Variants in GRB2 observed in about 807,000 individuals in gnomAD.
The protein encoded by GRB2 is growth factor receptor bound protein 2.
GRB2 carries 2 observed loss-of-function variants against 27.4 expected under a neutral mutation model. The observed-to-expected ratio is 0.07, with a 90% CI of 0.03 to 0.23. The LOEUF (loss-of-function observed/expected upper bound fraction) is 0.23. Among genes scored for constraint, GRB2 ranks in the 10% least tolerant of loss-of-function variants. The pLI is 1.00. For missense variants in GRB2, 102 were observed against 282.4 expected (o/e 0.36, Z 4.58); for synonymous variants, 94 against 99.6 (o/e 0.94, Z 0.33).
chr17:75,389,832 G>A (rs574078947), intron 2 of GRB2, among the ~76,000 whole-genome samples: 5 of 152,122 alleles, frequency 3.3e-5, no homozygotes, highest in East Asian at 1.9e-4. Flanking sequence ...GTGACAGAGC[G>A]AGACTCCATC....
chr17:75,337,477 G>GATGAGGCGC lies in GRB2; in HGVS notation c.79-4681_79-4680insGCGCCTCAT, dbSNP rs1397571414. Among the ~76,000 whole-genome samples the GATGAGGCGC allele has an allele frequency of 5.5e-4, 83 of 152,114 alleles. 1 individual carries two copies. The highest frequency in any genetic ancestry group is 1.9e-3 in the African/African-American group (80 of 41,524). ...GTGGCAGAGACCAGAAGCATCTGAG[G>GATGAGGCGC]ATGAGGCTGCACCTACAAAGATTGT... On this transcript the variant is annotated intron_variant, in intron 2 of 5. Coordinates refer to ENST00000316804, the MANE Select transcript of GRB2 (RefSeq NM_002086.5).
At chr17:75,363,316 C>G (rs1174505182) in intron 2 of GRB2, among the ~76,000 whole-genome samples, 1 of 152,120 alleles carries the variant, frequency 6.6e-6, no homozygotes, top group Non-Finnish European at 1.5e-5. Context: ...AAATCAGTTA[C>G]AGAGGATAGG....
At position 75,350,616 on chromosome 17, in the gene GRB2, C is replaced by T. The variant is rs569538362; in HGVS notation, c.79-17819G>A. 5.9e-5 allele frequency among the ~76,000 whole-genome samples: 9 copies of T among 152,304 alleles called. No homozygotes were observed. In the East Asian group the frequency reaches 1.5e-3, roughly 26 times the overall value. On this transcript the variant is annotated intron_variant, in intron 2 of 5. Transcript: ENST00000316804. The stretch of plus-strand genomic sequence containing the variant: ...ACACCATTCTCCTGCCTCAACCTCC[C>T]AAATAGCTGGAACTACAGGCACCCG...
At chr17:75,324,589 C>T (rs2145819920) in intron 4 of GRB2, among the ~76,000 whole-genome samples, 1 of 145,826 alleles carries the variant, frequency 6.9e-6, no homozygotes, top group African/African-American at 2.5e-5. Context: ...GCCATCTCGC[C>T]TCACTACAAC....
intron 2 of GRB2, among the ~76,000 whole-genome samples, chr17:75,390,698 G>C (rs914289660): frequency 6.6e-6 from 1 of 152,098 alleles, no homozygotes; most frequent in Non-Finnish European, 1.5e-5. Flanking sequence ...GTAGGGAAGG[G>C]GTCTGCTGGA....
chr17:75,341,637 T>TC, intron 2 of GRB2, among the ~76,000 whole-genome samples: 1 of 152,064 alleles, frequency 6.6e-6, no homozygotes. Context: ...GTCCCCAAAC[T>TC]CCAACTTTCC....
At chr17:75,388,312 A>C (rs2078977581) in intron 2 of GRB2, among the ~76,000 whole-genome samples, 1 of 152,022 alleles carries the variant, frequency 6.6e-6, no homozygotes, top group Non-Finnish European at 1.5e-5. Flanking sequence ...CATGTTGGCC[A>C]GGCTGGTCTC....
chr17:75,374,403 CAAAAAA>C lies in GRB2; in HGVS notation c.78+19142_78+19147del, dbSNP rs56404809. Among the ~76,000 whole-genome samples the C allele has an allele frequency of 1.3e-3, 117 of 88,794 alleles. 2 individuals carry two copies. Among genetic ancestry groups the C allele is most frequent in the South Asian group, 4.3e-4 (1 of 2,346 alleles). 58.3% of individuals were successfully genotyped at this position (88,794 alleles called of 152,430 possible). ...TGGGAGACAGAGTAAGACTCCATAT[CAAAAAA>C]AAAAAAAAAAAAAAAGAATTCCTCA... On this transcript the variant is annotated intron_variant, in intron 2 of 5. Transcript: ENST00000316804.
intron 2 of GRB2, among the ~76,000 whole-genome samples, chr17:75,338,160 C>T (rs1031135594): frequency 1.3e-4 from 19 of 151,962 alleles, no homozygotes; most frequent in African/African-American, 3.9e-4. Flanking sequence ...GAACCTCTGA[C>T]CTCAGGTGAT....
intron 2 of GRB2, among the ~76,000 whole-genome samples, chr17:75,350,268 T>C (rs1354796047): frequency 1.4e-5 from 2 of 142,938 alleles, no homozygotes; most frequent in Non-Finnish European, 3.0e-5. Flanking sequence ...AGTAAACAAG[T>C]ATGAGTGAGT....
At chr17:75,374,234 T>C (rs1203968003) in intron 2 of GRB2, among the ~76,000 whole-genome samples, 5 of 151,186 alleles carry the variant, frequency 3.3e-5, no homozygotes, top group Admixed American at 3.3e-4. Context: ...GGTTAAACCG[T>C]CTCTACTAAA....
intron 2 of GRB2, among the ~76,000 whole-genome samples, chr17:75,350,046 C>CA (rs397934291): frequency 0.6 from 86,243 of 144,078 alleles, 29,576 homozygotes; most frequent in East Asian, 0.84. Context: ...ATAAAACAAC[C>CA]AAAAAAAAAA....
intron 2 of GRB2, among the ~76,000 whole-genome samples, chr17:75,333,102 G>A (rs1474863802): frequency 6.6e-6 from 1 of 151,830 alleles, no homozygotes; most frequent in Non-Finnish European, 1.5e-5. Context: ...TTAAGACGGA[G>A]TCTTGCTCTG....
rs1219386426 is a variant in GRB2 at position 75,320,115 on chromosome 17, G to C, written c.*253C>G. The stretch of plus-strand genomic sequence containing the variant: ...AAAAAAGGATGAAAAAAAAGACAAA[G>C]GAGGGGAAAGAGGAGCAGCAGTGAA... On this transcript the variant is annotated 3_prime_UTR_variant, in exon 6 of 6. Transcript: ENST00000316804. The surrounding 1 kb of genome is among the most constrained non-coding windows in gnomAD (Gnocchi z 4.3). The C allele has an allele frequency of 1.2e-5, 5 of 414,478 alleles. No individual in the cohort carries two copies. Among genetic ancestry groups the C allele is most frequent in the African/African-American group, 2.0e-5 (1 of 50,358 alleles). The allele number at this position is 414,478 out of a possible 1,614,324, so 25.7% of individuals were successfully genotyped here. A position where few individuals can be genotyped will look rare whatever the true frequency, so the allele number is the denominator to read the frequency against.
intron 2 of GRB2, among the ~76,000 whole-genome samples, chr17:75,391,807 CAAAAAAAAAAAA>C (rs60382091): frequency 1.6e-5 from 2 of 121,840 alleles, no homozygotes; most frequent in African/African-American, 8.2e-5. Context: ...GACTCCATCT[CAAAAAAAAAAAA>C]AAAAAAAAAA....
intron 2 of GRB2, among the ~76,000 whole-genome samples, chr17:75,383,535 TA>T (rs1220850165): frequency 6.6e-6 from 1 of 152,184 alleles, no homozygotes; most frequent in Non-Finnish European, 1.5e-5. Context: ...TACTTTATGC[TA>T]GTTACTGCTT....
intron 2 of GRB2, among the ~76,000 whole-genome samples, chr17:75,350,298 C>A (rs1272649986): frequency 6.7e-6 from 1 of 149,946 alleles, no homozygotes; most frequent in Non-Finnish European, 1.5e-5. Flanking sequence ...GAGTTAGGAG[C>A]TATGCTAGGT....
At chr17:75,374,984 C>G (rs755778010) in intron 2 of GRB2, among the ~76,000 whole-genome samples, 2 of 152,146 alleles carry the variant, frequency 1.3e-5, no homozygotes, top group African/African-American at 2.4e-5. Flanking sequence ...CATCCTCAAA[C>G]TCCTGAACTC....
chr17:75,376,604 T>C (rs1180459012), intron 2 of GRB2, among the ~76,000 whole-genome samples: 1 of 152,012 alleles, frequency 6.6e-6, no homozygotes, highest in Non-Finnish European at 1.5e-5. Flanking sequence ...ATAACATAAT[T>C]TGTAACCAAC....
Sources: allele counts gnomAD v4.1 joint callset (sites outside exome capture counted in the v4.1 genomes callset), GRCh38; gene constraint gnomAD v4.1.1; non-coding constraint Gnocchi (gnomAD v3.1); transcripts MANE v1.5; gene names NCBI Gene and HGNC (gene_info 2026-07-23, HGNC 2026-07-21).